TNNI3K: variants seen among roughly 807,000 people sequenced by gnomAD.
TNNI3K encodes the protein serine/threonine-protein kinase TNNI3K.
A neutral mutation model predicts 114.5 loss-of-function variants in TNNI3K; 140 were observed. That is an observed-to-expected ratio of 1.22 (90% CI 1.07 to 1.41). The LOEUF is 1.41. Among genes scored for constraint, TNNI3K ranks in the 40% most tolerant of loss-of-function variants. The pLI, the probability that TNNI3K is intolerant of heterozygous loss-of-function variation, is 0.00. For synonymous variants in TNNI3K, 347 were observed against 347.5 expected (o/e 1.00, Z 0.02); for missense variants, 1,125 against 1,007.6 (o/e 1.12, Z -1.58).
At chr1:74,503,702 G>A (rs78132824) in intron 23 of TNNI3K, among the ~76,000 whole-genome samples, 2 of 152,296 alleles carry the variant, frequency 1.3e-5, no homozygotes, top group African/African-American at 2.4e-5. Flanking sequence ...AGGCAAAGGA[G>A]AGAAGCTAGA....
At chr1:74,485,714 A>G (rs1364811695) in intron 21 of TNNI3K, among the ~76,000 whole-genome samples, 1 of 152,212 alleles carries the variant, frequency 6.6e-6, no homozygotes, top group African/African-American at 2.4e-5. Context: ...CACAGAGTGG[A>G]AGTCAGGCAT....
At chr1:74,474,257 T>C (rs1438657630) in intron 21 of TNNI3K, among the ~76,000 whole-genome samples, 2 of 152,198 alleles carry the variant, frequency 1.3e-5, no homozygotes, top group Non-Finnish European at 2.9e-5. Flanking sequence ...AAAGGGTAAG[T>C]GCTTATTTCT....
At chr1:74,523,917 C>T (rs911354344) in intron 23 of TNNI3K, among the ~76,000 whole-genome samples, 3 of 152,104 alleles carry the variant, frequency 2.0e-5, no homozygotes, top group Non-Finnish European at 4.4e-5. Context: ...AATGCTATCC[C>T]TCCCCTTTCC....
chr1:74,391,099 A>C (rs1007898720), intron 17 of TNNI3K, among the ~76,000 whole-genome samples: 4 of 152,164 alleles, frequency 2.6e-5, no homozygotes, highest in Non-Finnish European at 5.9e-5. Context: ...TCTTACTTTG[A>C]ATATGATAAT....
rs1279580722 is a variant in TNNI3K at position 74,489,244 on chromosome 1, T to C, written c.2177T>C (p.Ile726Thr). ...AAGTTAGAAGAGTGTCTCTGCAACA[T>C]TGAGGTAAAAGCTTTAGCTTCTGAA... The part of the protein sequence containing the change: ...VMKLEECLCN[I>T]ELMSPASSNS... The change falls in exon 22 of 25, where the codon ATT (isoleucine) becomes ACT (threonine). Residue 726 changes from isoleucine to threonine, a missense_variant. By Grantham distance (89) the Ile-to-Thr change is moderately conservative. Coordinates refer to ENST00000326637, the MANE Select transcript of TNNI3K (RefSeq NM_015978.3). The C allele has an allele frequency of 7.4e-6, 12 of 1,611,024 alleles. No individual in the cohort carries two copies. The highest frequency in any genetic ancestry group is 3.4e-5 in the Admixed American group (2 of 59,536).
intron 23 of TNNI3K, among the ~76,000 whole-genome samples, chr1:74,521,287 T>C (rs1347176883): frequency 6.6e-6 from 1 of 152,174 alleles, no homozygotes; most frequent in Non-Finnish European, 1.5e-5. Flanking sequence ...TTCTAGTTGC[T>C]CTTTGCTTCC....
chr1:74,301,438 A>G (rs1466487255), intron 5 of TNNI3K, among the ~76,000 whole-genome samples: 5 of 152,160 alleles, frequency 3.3e-5, no homozygotes, highest in African/African-American at 4.8e-5. Flanking sequence ...TAGGAAATTA[A>G]GAATGACCCA....
intron 6 of TNNI3K, 151 bp downstream of exon 6, chr1:74,331,699 T>C (rs915958545): frequency 1.6e-6 from 1 of 620,524 alleles, no homozygotes; most frequent in African/African-American, 1.9e-5. Context: ...AGCTTGTAGA[T>C]CCATATAAGC....
At chr1:74,421,420 A>G (rs1307721652) in intron 17 of TNNI3K, among the ~76,000 whole-genome samples, 1 of 152,112 alleles carries the variant, frequency 6.6e-6, no homozygotes, top group Non-Finnish European at 1.5e-5. Flanking sequence ...AATCTTTACA[A>G]TAATCTGGCA....
intron 23 of TNNI3K, among the ~76,000 whole-genome samples, chr1:74,501,407 T>A (rs1419459747): frequency 1.8e-4 from 27 of 152,226 alleles, no homozygotes; most frequent in Admixed American, 1.8e-3. Context: ...TTCAAACGAA[T>A]TTTATCTGGA....
chr1:74,391,178 T>C (rs953903557), intron 17 of TNNI3K, among the ~76,000 whole-genome samples: 6 of 152,186 alleles, frequency 3.9e-5, no homozygotes, highest in Non-Finnish European at 8.8e-5. Flanking sequence ...TCGACAAATA[T>C]TTGGACACTA....
chr1:74,406,835 A>G (rs866327881), intron 17 of TNNI3K, among the ~76,000 whole-genome samples: 17 of 152,192 alleles, frequency 1.1e-4, no homozygotes, highest in African/African-American at 3.6e-4. Flanking sequence ...TACTATTATC[A>G]CTGCAGAATG....
intron 4 of TNNI3K, among the ~76,000 whole-genome samples, chr1:74,270,779 T>G (rs1250786524): frequency 6.6e-6 from 1 of 151,714 alleles, no homozygotes; most frequent in Non-Finnish European, 1.5e-5. Flanking sequence ...AATTCCTACT[T>G]TGAGGCTTAA....
intron 5 of TNNI3K, 21 bp downstream of exon 5, chr1:74,271,729 C>T (rs1557465120): frequency 6.3e-7 from 1 of 1,583,194 alleles, no homozygotes; most frequent in Non-Finnish European, 8.6e-7. Flanking sequence ...CCTTTGGCAC[C>T]TGTGAAAACA....
At chr1:74,392,489 C>G (rs1663840497) in intron 17 of TNNI3K, among the ~76,000 whole-genome samples, 1 of 152,172 alleles carries the variant, frequency 6.6e-6, no homozygotes. Context: ...CTGTCCATAG[C>G]CCTTAGTCCA....
chr1:74,337,427 T>C lies in TNNI3K; in HGVS notation c.682+1278T>C, dbSNP rs565997657. Among the ~76,000 whole-genome samples, 28 of 152,144 alleles carry C rather than the reference T, an allele frequency of 1.8e-4. No homozygotes were observed. In the South Asian group the frequency reaches 3.1e-3, roughly 17 times the overall value. ...GTTTTAGACATGAAGTCCTTGCCCA[T>C]GCCTATGTCCTGAATGGTAATGCCT... On this transcript the variant is annotated intron_variant, in intron 7 of 24. Coordinates refer to ENST00000326637, the MANE Select transcript of TNNI3K (RefSeq NM_015978.3).
intron 4 of TNNI3K, among the ~76,000 whole-genome samples, chr1:74,255,585 T>C (rs1158047185): frequency 6.6e-6 from 1 of 152,240 alleles, no homozygotes; most frequent in Non-Finnish European, 1.5e-5. Flanking sequence ...TTAATCCTCA[T>C]ACATCTTTTT....
chr1:74,524,334 G>C (rs1249540213), intron 23 of TNNI3K, among the ~76,000 whole-genome samples: 2 of 152,196 alleles, frequency 1.3e-5, no homozygotes, highest in African/African-American at 4.8e-5. Flanking sequence ...AGAAACAGAG[G>C]GGGCTTGGCC....
At position 74,419,134 on chromosome 1, in the gene TNNI3K, G is replaced by T. The variant is rs543977742; in HGVS notation, c.1773-16946G>T. On this transcript the variant is annotated intron_variant, in intron 17 of 24. Coordinates refer to ENST00000326637, the MANE Select transcript of TNNI3K (RefSeq NM_015978.3). ...TTCAAAGTTAAGGTGTCAGGAGGGT[G>T]GTTCTCTGTCTAGAGGCTCTAGGGA... is the stretch of plus-strand genomic sequence containing the variant. Among the ~76,000 whole-genome samples, 7 of 152,164 alleles carry T rather than the reference G, an allele frequency of 4.6e-5. No homozygotes were observed. In the South Asian group the frequency reaches 1.5e-3, roughly 32 times the overall value.
Sources: allele counts gnomAD v4.1 joint callset (sites outside exome capture counted in the v4.1 genomes callset), GRCh38; gene constraint gnomAD v4.1.1; transcripts MANE v1.5; gene names NCBI Gene and HGNC (gene_info 2026-07-23, HGNC 2026-07-21).